The following CNKSR2 variants were observed in gnomAD, a reference collection of about 807,000 sequenced individuals.
CNKSR2 encodes the protein CNK homolog protein 2.
CNKSR2 carries 14 observed loss-of-function variants against 84.4 expected under a neutral mutation model. That is an observed-to-expected ratio of 0.17 (90% CI 0.11 to 0.26). The LOEUF (loss-of-function observed/expected upper bound fraction) is 0.26. CNKSR2 is among the 10% of genes least tolerant of loss of function. The probability of loss-of-function intolerance (pLI) is 1.00; values close to 1 mark genes in which losing one functional copy is unlikely to be tolerated. For missense variants in CNKSR2, 485 were observed against 771.2 expected, an observed-to-expected ratio of 0.63 and a Z score of 4.40; for synonymous variants, 275 against 277.9, an observed-to-expected ratio of 0.99 and a Z score of 0.10.
intron 20 of CNKSR2, among the ~76,000 whole-genome samples, chrX:21,629,951 T>C (rs753805341): frequency 4.1e-4 from 46 of 112,442 alleles, no homozygotes; most frequent in African/African-American, 1.5e-3. Flanking sequence ...TCTCAACTCA[T>C]TTCAGTCAGG....
At chrX:21,528,342 T>A (rs1187780190) in intron 10 of CNKSR2, among the ~76,000 whole-genome samples, 1 of 111,335 alleles carries the variant, frequency 9.0e-6, no homozygotes, top group Non-Finnish European at 1.9e-5. Context: ...AAGATTTTTA[T>A]TTCAGAGCAA....
intron 11 of CNKSR2, among the ~76,000 whole-genome samples, chrX:21,535,653 A>AT (rs377766207): frequency 3.9e-4 from 42 of 108,551 alleles, no homozygotes; most frequent in African/African-American, 1.4e-3. Flanking sequence ...TGCATTCTTG[A>AT]TTTTTTTTCA....
rs1783115947 is a variant in CNKSR2, at chrX:21,385,134, A to G, written c.64+10173A>G. Among the ~76,000 whole-genome samples the G allele has an allele frequency of 6.3e-5, 7 of 111,800 alleles. No homozygotes were observed. The Admixed American group carries it at 6.7e-4, about 11-fold the overall frequency. On this transcript the variant is annotated intron_variant, in intron 1 of 21. Transcript: ENST00000379510. The stretch of plus-strand genomic sequence containing the variant: ...TTTTCTACCCTTTAAAAATTGGCAT[A>G]ATATGTAATATAGTACAGGTAAGAG...
At chrX:21,415,867 C>CAT (rs1162168240) in intron 1 of CNKSR2, among the ~76,000 whole-genome samples, 23 of 95,297 alleles carry the variant, frequency 2.4e-4, no homozygotes, top group African/African-American at 8.6e-4. Flanking sequence ...CACACACACA[C>CAT]ACACATATAT....
chrX:21,505,541 G>C (rs1428431073), intron 8 of CNKSR2: 1 of 111,458 alleles, frequency 9.0e-6, no homozygotes, highest in Non-Finnish European at 1.9e-5. Context: ...ATGGCAGAGA[G>C]TGTGGGAGGA....
chrX:21,597,270 T>C (rs942870327), intron 17 of CNKSR2, among the ~76,000 whole-genome samples: 2 of 111,789 alleles, frequency 1.8e-5, no homozygotes, highest in African/African-American at 6.5e-5. Flanking sequence ...CTGATGTCAC[T>C]GCTCTTTCCT....
At chrX:21,551,094 T>G in intron 11 of CNKSR2, among the ~76,000 whole-genome samples, 1 of 110,207 alleles carries the variant, frequency 9.1e-6, no homozygotes, top group Non-Finnish European at 1.9e-5. Context: ...AAACCATCAT[T>G]CTCAGCAAAC....
At chrX:21,647,753 C>CT (rs1266357539) in intron 20 of CNKSR2, among the ~76,000 whole-genome samples, 1 of 111,930 alleles carries the variant, frequency 8.9e-6, no homozygotes, top group Non-Finnish European at 1.9e-5. Context: ...ATTAAGGAAT[C>CT]TTTTTTTGAA....
intron 20 of CNKSR2, among the ~76,000 whole-genome samples, chrX:21,632,424 G>A (rs1455581739): frequency 9.0e-6 from 1 of 111,573 alleles, no homozygotes; most frequent in African/African-American, 3.3e-5. Context: ...TTAAAGAAGA[G>A]TTCCTGCTTC....
At chrX:21,415,905 C>T (rs1294643287) in intron 1 of CNKSR2, among the ~76,000 whole-genome samples, 1 of 107,034 alleles carries the variant, frequency 9.3e-6, no homozygotes, top group East Asian at 2.9e-4. Flanking sequence ...AATTTGACTT[C>T]TTCCTTTCCA....
intron 11 of CNKSR2, among the ~76,000 whole-genome samples, chrX:21,535,490 A>G (rs915096720): frequency 9.0e-6 from 1 of 111,304 alleles, no homozygotes; most frequent in Non-Finnish European, 1.9e-5. Flanking sequence ...GACAATGTTA[A>G]TTCTTCTAAT....
intron 9 of CNKSR2, among the ~76,000 whole-genome samples, chrX:21,518,165 T>C (rs1047945074): frequency 8.9e-6 from 1 of 111,834 alleles, no homozygotes; most frequent in East Asian, 2.8e-4. Flanking sequence ...ATCTAAGTCA[T>C]AGATGAGTAG....
intron 5 of CNKSR2, among the ~76,000 whole-genome samples, chrX:21,483,593 A>AAT (rs10592013): frequency 0.017 from 1,717 of 98,664 alleles, 10 homozygotes; most frequent in South Asian, 0.03. Context: ...AGTATAATAA[A>AAT]ATATATATAT....
intron 11 of CNKSR2, among the ~76,000 whole-genome samples, chrX:21,554,149 A>C (rs998725464): frequency 4.5e-5 from 5 of 111,815 alleles, no homozygotes; most frequent in Non-Finnish European, 7.5e-5. Context: ...TACTTACAAA[A>C]GGTAATTTGG....
rs189642458 is a variant in CNKSR2 at position 21,591,374 on chromosome X, T to C, written c.1830+180T>C. On this transcript the variant is annotated intron_variant, in intron 15 of 21. Coordinates refer to ENST00000379510, the MANE Select transcript of CNKSR2 (RefSeq NM_014927.5). ...CATGTTGGGGTTCTAGAAAGATAGC[T>C]GTCTCAATTATGCTAATGTAGCAAC... 4 of 319,660 alleles carry C rather than the reference T, an allele frequency of 1.3e-5. No homozygotes were observed. The East Asian group carries it at 2.0e-4, about 16-fold the overall frequency. 26.3% of individuals were successfully genotyped at this position (319,660 alleles called of 1,213,427 possible).
At chrX:21,620,574 C>A (rs1157667136) in intron 20 of CNKSR2, among the ~76,000 whole-genome samples, 2 of 110,959 alleles carry the variant, frequency 1.8e-5, no homozygotes, top group Non-Finnish European at 3.8e-5. Context: ...AGACTCGGAA[C>A]TCCCGCCTCC....
rs1601968402 is a variant in CNKSR2, at chrX:21,574,613, C to A, written c.1608+11161C>A. Among the ~76,000 whole-genome samples, 3 of 111,205 alleles carry A rather than the reference C, an allele frequency of 2.7e-5. No homozygotes were observed. In the Admixed American group the frequency reaches 2.9e-4, roughly 11 times the overall value. ...ACAAGAACATCATGGAGGTAACTGC[C>A]CCCATGCTTCAATTACCTCCCACTG... On this transcript the variant is annotated intron_variant, in intron 13 of 21. Coordinates refer to ENST00000379510, the MANE Select transcript of CNKSR2 (RefSeq NM_014927.5).
At chrX:21,541,969 A>C (rs1049546475) in intron 11 of CNKSR2, among the ~76,000 whole-genome samples, 2 of 111,638 alleles carry the variant, frequency 1.8e-5, no homozygotes, top group African/African-American at 6.5e-5. Flanking sequence ...AAATTCAAGA[A>C]TTTGATTCCA....
intron 1 of CNKSR2, among the ~76,000 whole-genome samples, chrX:21,392,764 C>G (rs781284822): frequency 9.0e-6 from 1 of 111,450 alleles, no homozygotes; most frequent in East Asian, 2.8e-4. Context: ...TGCTTTTCTT[C>G]TTGTCATTAA....
Sources: gnomAD v4.1 joint callset for allele counts (sites outside exome capture counted in the v4.1 genomes callset) on GRCh38, gnomAD v4.1.1 for gene constraint, MANE v1.5 for transcripts, NCBI Gene and HGNC (gene_info 2026-07-23, HGNC 2026-07-21) for gene names.